DLG2: variants seen among roughly 807,000 people sequenced by gnomAD.
DLG2 encodes discs large MAGUK scaffold protein 2.
DLG2 carries 45 observed loss-of-function variants against 132.5 expected under a neutral mutation model. The observed-to-expected ratio is 0.34, with a 90% confidence interval of 0.27 to 0.44. The LOEUF is 0.44. Among genes scored for constraint, DLG2 ranks in the 20% least tolerant of loss-of-function variants. The pLI, the probability that DLG2 is intolerant of heterozygous loss-of-function variation, is 1.00. For missense variants in DLG2, 1,045 were observed against 1,196.9 expected (o/e 0.87, Z 1.87); for synonymous variants, 424 against 419.6 (o/e 1.01, Z -0.13).
At chr11:84,357,475 T>C (rs1460396530) in intron 7 of DLG2, among the ~76,000 whole-genome samples, 1 of 152,000 alleles carries the variant, frequency 6.6e-6, no homozygotes, top group Non-Finnish European at 1.5e-5. Context: ...ATAGAACCTA[T>C]CACAGTTTAA....
At chr11:84,775,596 A>G (rs1384064557) in intron 6 of DLG2, among the ~76,000 whole-genome samples, 3 of 152,286 alleles carry the variant, frequency 2.0e-5, no homozygotes, top group South Asian at 4.1e-4. Context: ...CCATAAAAAA[A>G]GTGAAATCAT....
chr11:83,865,382 T>A (rs1279508243), intron 16 of DLG2, among the ~76,000 whole-genome samples: 2 of 151,426 alleles, frequency 1.3e-5, no homozygotes, highest in African/African-American at 2.4e-5. Flanking sequence ...TCAAATGGAA[T>A]AATGTCCCTG....
At chr11:84,373,257 A>AC (rs2098714374) in intron 7 of DLG2, among the ~76,000 whole-genome samples, 1 of 95,114 alleles carries the variant, frequency 1.1e-5, no homozygotes, top group Non-Finnish European at 2.4e-5. Flanking sequence ...GTCAAAAAAA[A>AC]AAAAAAACAA....
At chr11:83,976,122 T>C (rs957592082) in intron 12 of DLG2, among the ~76,000 whole-genome samples, 1 of 151,934 alleles carries the variant, frequency 6.6e-6, no homozygotes, top group Non-Finnish European at 1.5e-5. Context: ...ACATTATAGC[T>C]ATTTTACTTG....
intron 4 of DLG2, among the ~76,000 whole-genome samples, chr11:85,221,730 G>C (rs575458997): frequency 2.6e-5 from 4 of 152,280 alleles, no homozygotes; most frequent in Admixed American, 1.3e-4. Context: ...GGAAACTGAA[G>C]CTCAAAGAGG....
intron 19 of DLG2, among the ~76,000 whole-genome samples, chr11:83,596,125 A>G (rs1032507510): frequency 1.3e-5 from 2 of 152,246 alleles, no homozygotes; most frequent in East Asian, 3.8e-4. Context: ...CACAAAAACA[A>G]CAAGATTTAA....
intron 7 of DLG2, among the ~76,000 whole-genome samples, chr11:84,398,212 C>T (rs551888348): frequency 6.6e-6 from 1 of 152,276 alleles, no homozygotes; most frequent in Admixed American, 6.5e-5. Context: ...ATGGATTCAT[C>T]AGATCACCTG....
chr11:84,470,617 C>T (rs185845361), intron 7 of DLG2, among the ~76,000 whole-genome samples: 4 of 151,644 alleles, frequency 2.6e-5, no homozygotes, highest in African/African-American at 2.4e-5. Flanking sequence ...AAGTATGCAA[C>T]GTACCTATGT....
intron 6 of DLG2, among the ~76,000 whole-genome samples, chr11:84,976,196 A>C (rs1027050871): frequency 1.3e-5 from 2 of 152,168 alleles, no homozygotes; most frequent in African/African-American, 4.8e-5. Context: ...TTTTGTGTGT[A>C]TCTTCAAAAC....
At chr11:84,554,956 T>C (rs994227814) in intron 6 of DLG2, among the ~76,000 whole-genome samples, 13 of 152,072 alleles carry the variant, frequency 8.5e-5, no homozygotes, top group Admixed American at 7.2e-4. Flanking sequence ...ATGAGAATCT[T>C]TGTGTTGGAA....
chr11:84,676,888 A>G (rs969914150), intron 6 of DLG2, among the ~76,000 whole-genome samples: 10 of 152,078 alleles, frequency 6.6e-5, no homozygotes, highest in Non-Finnish European at 1.5e-4. Context: ...AAAAGCAGGA[A>G]AAGATGTTCC....
intron 3 of DLG2, among the ~76,000 whole-genome samples, chr11:85,395,244 A>T (rs950771536): frequency 6.6e-6 from 1 of 152,214 alleles, no homozygotes; most frequent in African/African-American, 2.4e-5. Flanking sequence ...CTCACAGAAG[A>T]GTAACATTTA....
chr11:85,143,349 C>G (rs2076622838), intron 5 of DLG2, among the ~76,000 whole-genome samples: 1 of 151,558 alleles, frequency 6.6e-6, no homozygotes, highest in African/African-American at 2.4e-5. Context: ...TTGATAGTAT[C>G]TCTAATGATC....
intron 6 of DLG2, among the ~76,000 whole-genome samples, chr11:84,938,448 C>T (rs1438492855): frequency 6.6e-6 from 1 of 152,030 alleles, no homozygotes; most frequent in Non-Finnish European, 1.5e-5. Context: ...AAGAGTTTTG[C>T]CTTGATTATA....
intron 3 of DLG2, among the ~76,000 whole-genome samples, chr11:85,500,267 C>A (rs1489739648): frequency 1.4e-5 from 2 of 141,052 alleles, no homozygotes; most frequent in Non-Finnish European, 3.0e-5. Context: ...ACAAAATCAT[C>A]ATTCTCAGTA....
intron 3 of DLG2, among the ~76,000 whole-genome samples, chr11:85,349,174 T>A (rs2083088960): frequency 1.3e-5 from 2 of 152,114 alleles, no homozygotes; most frequent in African/African-American, 4.8e-5. Context: ...CTGAGCAGAC[T>A]GTTTGTAGAT....
intron 6 of DLG2, among the ~76,000 whole-genome samples, chr11:84,770,715 G>A (rs1159891842): frequency 6.7e-6 from 1 of 149,158 alleles, no homozygotes; most frequent in Middle Eastern, 3.3e-3. Context: ...GCACGATCTC[G>A]GCTCCCTGCA....
chr11:85,518,356 A>T (rs985204968), intron 3 of DLG2, among the ~76,000 whole-genome samples: 2 of 152,154 alleles, frequency 1.3e-5, no homozygotes, highest in Admixed American at 1.3e-4. Flanking sequence ...GAGATGAGGA[A>T]CTTGTTGGGA....
chr11:85,009,564 AT>A (rs1213677065), intron 6 of DLG2, among the ~76,000 whole-genome samples: 1 of 152,144 alleles, frequency 6.6e-6, no homozygotes, highest in African/African-American at 2.4e-5. Flanking sequence ...AATTGTAAAT[AT>A]CAAAAGATAC....
Sources: allele counts gnomAD v4.1 joint callset (sites outside exome capture counted in the v4.1 genomes callset), GRCh38; gene constraint gnomAD v4.1.1; transcripts MANE v1.5; gene names NCBI Gene and HGNC (gene_info 2026-07-23, HGNC 2026-07-21).